Variants in ARHGEF11 observed in about 807,000 individuals in gnomAD.
The protein encoded by ARHGEF11 is Rho guanine nucleotide exchange factor 11, also known as Rho guanine exchange factor (GEF) 11.
Under a neutral mutation model 193.7 loss-of-function variants are expected in ARHGEF11, and 55 were observed. That is an observed-to-expected ratio of 0.28 (90% CI 0.23 to 0.36). The LOEUF (loss-of-function observed/expected upper bound fraction) is 0.36, where lower values mean the gene tolerates loss of function less well. ARHGEF11 is among the 10% of genes least tolerant of loss of function. The probability of loss-of-function intolerance (pLI) is 1.00; values close to 1 mark genes in which losing one functional copy is unlikely to be tolerated. For missense variants in ARHGEF11, 1,723 were observed against 2,005.6 expected, an observed-to-expected ratio of 0.86 and a Z score of 2.69; for synonymous variants, 693 against 768.0, an observed-to-expected ratio of 0.90 and a Z score of 1.62.
intron 1 of ARHGEF11, among the ~76,000 whole-genome samples, chr1:157,010,563 T>C (rs1349133192): frequency 2.1e-5 from 3 of 144,992 alleles, no homozygotes; most frequent in Non-Finnish European, 4.5e-5. Context: ...ATAATTAGCC[T>C]GGCTAATTTT....
chr1:156,964,642 T>C (rs1176630695), intron 11 of ARHGEF11, among the ~76,000 whole-genome samples: 3 of 152,152 alleles, frequency 2.0e-5, no homozygotes, highest in Non-Finnish European at 4.4e-5. Flanking sequence ...GCCCAGAAGG[T>C]ATCTCAGACA....
At chr1:156,943,115 T>C (rs950530287) in intron 32 of ARHGEF11, among the ~76,000 whole-genome samples, 1 of 150,298 alleles carries the variant, frequency 6.7e-6, no homozygotes, top group African/African-American at 2.5e-5. Context: ...GGCTAGAATG[T>C]AGTGGTGCCA....
intron 15 of ARHGEF11, among the ~76,000 whole-genome samples, chr1:156,960,085 T>G (rs1393630853): frequency 1.3e-5 from 2 of 152,032 alleles, no homozygotes; most frequent in Non-Finnish European, 2.9e-5. Flanking sequence ...TCAAGTCTGT[T>G]TCCTCTTTGT....
intron 1 of ARHGEF11, among the ~76,000 whole-genome samples, chr1:157,036,188 CATATATGAATATATATACATATAT>C (rs1223070616): frequency 3.4e-5 from 4 of 118,444 alleles, no homozygotes; most frequent in Non-Finnish European, 7.3e-5. Context: ...TATATGAATA[CATATATGAATATATATACATATAT>C]ATATATGGCT....
chr1:156,940,484 G>A (rs961102188), intron 35 of ARHGEF11, 59 bp from the exon 36 acceptor site: 22 of 1,484,710 alleles, frequency 1.5e-5, no homozygotes, highest in Non-Finnish European at 2.0e-5. Flanking sequence ...GTATGGGAGA[G>A]CCTATGGGCA....
intron 1 of ARHGEF11, among the ~76,000 whole-genome samples, chr1:156,993,776 C>G (rs913365091): frequency 6.6e-6 from 1 of 152,182 alleles, no homozygotes; most frequent in Non-Finnish European, 1.5e-5. Flanking sequence ...CCTGCACATC[C>G]CTACAGTAAG....
rs560465848 is a variant in ARHGEF11, at chr1:156,939,617, G to A, written c.4027C>T (p.Leu1343=). 4.3e-6 allele frequency: 7 copies of A among 1,613,644 alleles called. No individual in the cohort carries two copies. In the South Asian group the frequency reaches 4.4e-5, roughly 10 times the overall value. ...GCATCTTCAGCCAGATTCCTGTCCA[G>A]TTCTGGAGACTCCCATATCCCAGAA... ...RNSGIWESPE[L]DRNLAEDASS... Residue 1343 remains leucine (L), a synonymous_variant, in exon 37 of 41, where the codon CTG becomes TTG. Coordinates refer to ENST00000368194, the MANE Select transcript of ARHGEF11 (RefSeq NM_198236.3).
At chr1:156,952,873 A>G (rs1659328074) in intron 21 of ARHGEF11, among the ~76,000 whole-genome samples, 1 of 152,232 alleles carries the variant, frequency 6.6e-6, no homozygotes, top group South Asian at 2.1e-4. Flanking sequence ...TGGGCCTTGA[A>G]GCCATGCAGA....
At chr1:157,024,101 T>TAA (rs71084209) in intron 1 of ARHGEF11, among the ~76,000 whole-genome samples, 1 of 152,078 alleles carries the variant, frequency 6.6e-6, no homozygotes, top group Non-Finnish European at 1.5e-5. Context: ...TTAATTGGCA[T>TAA]AAAAAAATGA....
chr1:156,959,407 G>A (rs1660456816), intron 15 of ARHGEF11, among the ~76,000 whole-genome samples: 1 of 152,188 alleles, frequency 6.6e-6, no homozygotes, highest in South Asian at 2.1e-4. Context: ...AAGTATTAAA[G>A]TCCCTCTCAT....
In ARHGEF11 at chr1:156,957,815, C is replaced by G; in HGVS notation, c.1503G>C (p.Leu501Phe). 5.0e-6 allele frequency: 8 copies of G among 1,614,032 alleles called. No homozygotes were observed. Among genetic ancestry groups the G allele is most frequent in the Non-Finnish European group, 6.8e-6 (8 of 1,179,980 alleles). Residue 501 changes from leucine to phenylalanine, a missense_variant and splice_region_variant, in exon 18 of 41, where the codon TTG becomes TTC. Around this residue, in one of 5 missense-constraint regions of ARHGEF11, gnomAD observed 646 missense variants for 710.7 expected, o/e 0.91. Transcript: ENST00000368194. The stretch of plus-strand genomic sequence containing the variant: ...ACCTCCTGTCTTCCTCATACTTGGA[C>G]CTGGAATGGAAGAAAGAACAGATGA... ...EKQLAALGDILSKYEEDRSAP... is the reference protein window; with the variant it reads ...EKQLAALGDIFSKYEEDRSAP...
intron 1 of ARHGEF11, among the ~76,000 whole-genome samples, chr1:157,013,952 T>C (rs1668880855): frequency 6.6e-6 from 1 of 152,228 alleles, no homozygotes; most frequent in African/African-American, 2.4e-5. Context: ...AAACTAGCTC[T>C]GGAGAAAAGC....
At chr1:156,951,392 T>C (rs1659074303) in intron 22 of ARHGEF11, among the ~76,000 whole-genome samples, 181 bp downstream of exon 22, 1 of 152,186 alleles carries the variant, frequency 6.6e-6, no homozygotes, top group Non-Finnish European at 1.5e-5. Flanking sequence ...GCTCTTCCAC[T>C]GGCCTGTTCA....
chr1:157,020,110 C>T (rs865984399), intron 1 of ARHGEF11, among the ~76,000 whole-genome samples: 15 of 139,142 alleles, frequency 1.1e-4, no homozygotes, highest in Middle Eastern at 4.0e-3. Flanking sequence ...GGCGACAGTG[C>T]GAGACTCTGT....
Position 156,948,230 on chromosome 1 carries a change from T to C in ARHGEF11, c.2106-2A>G. On this transcript the variant is annotated splice_acceptor_variant, in intron 23 of 40. Coordinates refer to ENST00000368194, the MANE Select transcript of ARHGEF11 (RefSeq NM_198236.3). LOFTEE classifies it high-confidence loss of function. The surrounding 1 kb of genome is among the most constrained non-coding windows in gnomAD (Gnocchi z 4.2). ...GGAGGGGTTGGGTTCTCAAGAGACCTGTGGAGGGAATGTCAACTCTCAGCA... is the reference window on the plus strand; with the variant it reads ...GGAGGGGTTGGGTTCTCAAGAGACCCGTGGAGGGAATGTCAACTCTCAGCA... The C allele has an allele frequency of 6.3e-7, 1 of 1,591,904 alleles. No homozygotes were observed. The highest frequency in any genetic ancestry group is 1.1e-5 in the South Asian group (1 of 88,222).
intron 1 of ARHGEF11, among the ~76,000 whole-genome samples, chr1:157,009,463 G>A (rs1487140357): frequency 6.6e-6 from 1 of 152,182 alleles, no homozygotes; most frequent in Non-Finnish European, 1.5e-5. Context: ...GTACAAATAA[G>A]AGAAGTTAAG....
At chr1:156,961,652 A>G in intron 14 of ARHGEF11, 25 bp downstream of exon 14, 1 of 1,601,254 alleles carries the variant, frequency 6.2e-7, no homozygotes, top group African/African-American at 1.3e-5. Flanking sequence ...TGATAAAATT[A>G]TAATCCAATC....
intron 1 of ARHGEF11, among the ~76,000 whole-genome samples, chr1:157,033,016 T>C (rs895866014): frequency 6.6e-6 from 1 of 152,098 alleles, no homozygotes; most frequent in African/African-American, 2.4e-5. Flanking sequence ...CACAGCCCTT[T>C]GCTCTCTCTA....
intron 8 of ARHGEF11, 116 bp from the exon 9 acceptor site, chr1:156,970,159 C>A: frequency 2.4e-6 from 2 of 826,018 alleles, no homozygotes; most frequent in East Asian, 2.5e-5. Context: ...CGCTTCATTG[C>A]CTCAAAAATG....
Sources: allele counts gnomAD v4.1 joint callset (sites outside exome capture counted in the v4.1 genomes callset), GRCh38; gene constraint gnomAD v4.1.1; regional missense constraint gnomAD v4.1.1; non-coding constraint Gnocchi (gnomAD v3.1); transcripts MANE v1.5; gene names NCBI Gene and HGNC (gene_info 2026-07-23, HGNC 2026-07-21).